Variants in ITSN2 observed in about 807,000 individuals in gnomAD.
ITSN2 encodes the protein intersectin-2.
Under a neutral mutation model 243.7 loss-of-function variants are expected in ITSN2, and 156 were observed. That is an observed-to-expected ratio of 0.64 (90% CI 0.56 to 0.73). The LOEUF is 0.73. Among genes scored for constraint, ITSN2 ranks in the 30% least tolerant of loss-of-function variants. The pLI is 0.00. For synonymous variants in ITSN2, 703 were observed against 699.9 expected (o/e 1.00, Z -0.07); for missense variants, 1,801 against 1,996.1 (o/e 0.90, Z 1.86).
chr2:24,277,453 A>G (rs1264102922), intron 17 of ITSN2, among the ~76,000 whole-genome samples: 1 of 152,234 alleles, frequency 6.6e-6, no homozygotes, highest in Non-Finnish European at 1.5e-5. Flanking sequence ...AAACATTTAC[A>G]ACTTAAGCCA....
At chr2:24,229,390 C>T (rs904584835) in intron 29 of ITSN2, among the ~76,000 whole-genome samples, 1 of 151,942 alleles carries the variant, frequency 6.6e-6, no homozygotes, top group Non-Finnish European at 1.5e-5. Context: ...GGAGTTCGAG[C>T]CCAGCCTGGC....
chr2:24,265,248 T>C (rs1264939189), intron 20 of ITSN2, among the ~76,000 whole-genome samples: 2 of 152,262 alleles, frequency 1.3e-5, no homozygotes, highest in African/African-American at 4.8e-5. Context: ...ACACTATATA[T>C]CTTTCCATTT....
At chr2:24,353,867 T>C (rs1558674185) in intron 1 of ITSN2, among the ~76,000 whole-genome samples, 2 of 152,046 alleles carry the variant, frequency 1.3e-5, no homozygotes, top group Non-Finnish European at 1.5e-5. Context: ...TAAAAATGAA[T>C]GTCCAAAAAT....
At chr2:24,338,516 A>G (rs1686700523) in intron 1 of ITSN2, among the ~76,000 whole-genome samples, 1 of 152,190 alleles carries the variant, frequency 6.6e-6, no homozygotes, top group Non-Finnish European at 1.5e-5. Context: ...AAATCTCTTC[A>G]TATATTTTAG....
chr2:24,298,527 C>T (rs756761084), intron 13 of ITSN2, 138 bp downstream of exon 13: 4 of 683,572 alleles, frequency 5.9e-6, no homozygotes, highest in Non-Finnish European at 9.3e-6. Context: ...AAACTCCTGC[C>T]CCAGTTGATC....
chr2:24,219,407 G>T (rs980425118), intron 30 of ITSN2, among the ~76,000 whole-genome samples: 10 of 152,224 alleles, frequency 6.6e-5, no homozygotes, highest in African/African-American at 2.4e-4. Context: ...GAAGACACTA[G>T]GCCACTCCTG....
chr2:24,218,077 A>G, intron 30 of ITSN2, 64 bp from the exon 31 acceptor site: 1 of 1,005,816 alleles, frequency 9.9e-7, no homozygotes, highest in Non-Finnish European at 1.6e-6. Flanking sequence ...CGTGTGGTCT[A>G]AATCAAACAA....
Position 24,334,241 on chromosome 2 carries a change from T to C in ITSN2, c.-33-6126A>G, listed in dbSNP as rs370178373. 2.0e-3 allele frequency among the ~76,000 whole-genome samples: 306 copies of C among 152,142 alleles called. 3 individuals are homozygous for C. The highest frequency in any genetic ancestry group is 7.3e-3 in the African/African-American group (304 of 41,510). ...GCCCAGCTAATTTTTGTATTATTAGTAGAGAGGAGGTTTCGCCATGTTGGC... is the reference window on the plus strand; with the variant it reads ...GCCCAGCTAATTTTTGTATTATTAGCAGAGAGGAGGTTTCGCCATGTTGGC... On this transcript the variant is annotated intron_variant, in intron 1 of 39. Transcript: ENST00000355123.
At chr2:24,232,434 G>A (rs1476457116) in intron 29 of ITSN2, among the ~76,000 whole-genome samples, 6 of 152,270 alleles carry the variant, frequency 3.9e-5, no homozygotes, top group East Asian at 1.9e-4. Flanking sequence ...AGACAAAAGC[G>A]CAGACCTGGC....
In ITSN2 at chr2:24,320,241, T is replaced by C. The variant is rs184566093; in HGVS notation, c.32-5017A>G. ...AAAAACTTAAAAAAATTAGCCAGGC[T>C]GGGCGCGGTGGCTCACGCCTGTAAT... On this transcript the variant is annotated intron_variant, in intron 2 of 39. Coordinates refer to ENST00000355123, the MANE Select transcript of ITSN2 (RefSeq NM_006277.3). Among the ~76,000 whole-genome samples, 227 of 151,698 alleles carry C rather than the reference T, an allele frequency of 1.5e-3. 1 individual carries two copies. Among genetic ancestry groups the C allele is most frequent in the African/African-American group, 5.2e-3 (214 of 41,324 alleles).
intron 31 of ITSN2, among the ~76,000 whole-genome samples, chr2:24,216,504 C>A (rs1383589738): frequency 6.6e-6 from 1 of 152,214 alleles, no homozygotes; most frequent in Non-Finnish European, 1.5e-5. Flanking sequence ...GCCTCTAATC[C>A]CAGCATTTCG....
At chr2:24,266,951 A>AAATG (rs1453847439) in intron 20 of ITSN2, among the ~76,000 whole-genome samples, 1 of 152,014 alleles carries the variant, frequency 6.6e-6, no homozygotes, top group Non-Finnish European at 1.5e-5. Context: ...ATAAATAAAT[A>AAATG]AATAAAATAA....
chr2:24,270,506 G>A (rs563402975), intron 20 of ITSN2, among the ~76,000 whole-genome samples, 165 bp downstream of exon 20: 11 of 152,174 alleles, frequency 7.2e-5, no homozygotes, highest in Non-Finnish European at 1.3e-4. Context: ...AATAATAACT[G>A]TCCTATGCAG....
intron 20 of ITSN2, among the ~76,000 whole-genome samples, chr2:24,270,396 G>A (rs1375194918): frequency 6.6e-6 from 1 of 152,028 alleles, no homozygotes; most frequent in Non-Finnish European, 1.5e-5. Flanking sequence ...CGCTGGATTT[G>A]GAAATAAAAA....
chr2:24,303,033 T>C (rs918555587), intron 9 of ITSN2, among the ~76,000 whole-genome samples: 3 of 152,174 alleles, frequency 2.0e-5, no homozygotes, highest in South Asian at 2.1e-4. Context: ...CTGCCAGCTG[T>C]AGAAAAGTAC....
intron 20 of ITSN2, 77 bp from the exon 21 acceptor site, chr2:24,261,819 A>G: frequency 3.7e-6 from 4 of 1,073,636 alleles, no homozygotes; most frequent in Non-Finnish European, 5.3e-6. Context: ...AAACTATTGT[A>G]TAGTATTCTC....
intron 30 of ITSN2, 57 bp downstream of exon 30, chr2:24,220,888 C>T (rs1376791104): frequency 2.0e-6 from 3 of 1,527,738 alleles, no homozygotes; most frequent in African/African-American, 2.8e-5. Context: ...TGATGCCCAC[C>T]ATCTCTCATG....
Position 24,258,053 on chromosome 2 carries a change from G to A in ITSN2, c.2723C>T (p.Ser908Phe). Reference sequence around the variant, plus strand: ...GTGGTTATCTTTCTTTGCAGTCCAGGAACAAAGGGCCTGTGCTTTTAAGTT... The same window carrying A: ...GTGGTTATCTTTCTTTGCAGTCCAGAAACAAAGGGCCTGTGCTTTTAAGTT... ...VENLKAQALC[S>F]WTAKKDNHLN... The change falls in exon 23 of 40, where the codon TCC becomes TTC. Residue 908 changes from serine (S) to phenylalanine (F), a missense_variant. By Grantham distance (155) the Ser-to-Phe change is radical (BLOSUM62 -2). Coordinates refer to ENST00000355123, the MANE Select transcript of ITSN2 (RefSeq NM_006277.3). The A allele has an allele frequency of 6.2e-7, 1 of 1,614,046 alleles. No homozygotes were observed. The highest frequency in any genetic ancestry group is 8.5e-7 in the Non-Finnish European group (1 of 1,179,974).
At position 24,211,175 on chromosome 2, in the gene ITSN2, G is replaced by A. The variant is rs1037826862; in HGVS notation, c.4090-228C>T. 6.6e-6 allele frequency among the ~76,000 whole-genome samples: 1 copy of A among 152,174 alleles called. No individual in the cohort carries two copies. The highest frequency in any genetic ancestry group is 2.4e-5 in the African/African-American group (1 of 41,446). On this transcript the variant is annotated intron_variant, in intron 33 of 39. Coordinates refer to ENST00000355123, the MANE Select transcript of ITSN2 (RefSeq NM_006277.3). The surrounding 1 kb of genome is among the most constrained non-coding windows in gnomAD (Gnocchi z 4.1). Reference sequence around the variant, plus strand: ...CTGTGACAAGGTGACAGTGCTAAACGGATCAAGTGCTCTGAACTGTGTGGG... The same window carrying A: ...CTGTGACAAGGTGACAGTGCTAAACAGATCAAGTGCTCTGAACTGTGTGGG...
Sources: allele counts gnomAD v4.1 joint callset (sites outside exome capture counted in the v4.1 genomes callset), GRCh38; gene constraint gnomAD v4.1.1; non-coding constraint Gnocchi (gnomAD v3.1); transcripts MANE v1.5; gene names NCBI Gene and HGNC (gene_info 2026-07-23, HGNC 2026-07-21).